PGM2L1: variants seen among roughly 807,000 people sequenced by gnomAD.
PGM2L1 encodes glucose 1,6-bisphosphate synthase.
A neutral mutation model predicts 73.4 loss-of-function variants in PGM2L1; 35 were observed. That is an observed-to-expected ratio of 0.48 (90% confidence interval 0.36 to 0.63). PGM2L1 has a LOEUF of 0.63. Ranked by LOEUF, PGM2L1 falls within the 30% of genes least tolerant of loss-of-function variation. PGM2L1 has a pLI of 0.00. For synonymous variants in PGM2L1, 225 were observed against 253.8 expected, an observed-to-expected ratio of 0.89 and a Z score of 1.08; for missense variants, 570 against 742.0, an observed-to-expected ratio of 0.77 and a Z score of 2.69.
intron 1 of PGM2L1, 28 bp from the exon 2 acceptor site, chr11:74,374,610 C>T (rs1416877912): frequency 1.9e-6 from 3 of 1,595,596 alleles, no homozygotes; most frequent in Non-Finnish European, 8.6e-7. Context: ...TAAAACTTAA[C>T]CAGGAATCCA....
chr11:74,389,404 A>AT (rs1301697769), intron 1 of PGM2L1, among the ~76,000 whole-genome samples: 2 of 152,110 alleles, frequency 1.3e-5, no homozygotes, highest in East Asian at 1.9e-4. Context: ...ATATTCTTTG[A>AT]TTTTTTTAAA....
chr11:74,347,362 T>C, intron 6 of PGM2L1, 25 bp from the exon 7 acceptor site: 1 of 1,525,638 alleles, frequency 6.6e-7, no homozygotes, highest in Non-Finnish European at 8.9e-7. Context: ...CAACATAAGA[T>C]CATGATTACA....
At chr11:74,374,115 C>T (rs989250191) in intron 2 of PGM2L1, among the ~76,000 whole-genome samples, 5 of 150,212 alleles carry the variant, frequency 3.3e-5, no homozygotes, top group Non-Finnish European at 4.4e-5. Context: ...GACAGAGTCT[C>T]GCTCTGTTGC....
chr11:74,336,638 A>C lies in PGM2L1; in HGVS notation c.*14T>G, dbSNP rs1044782. Reference sequence around the variant, plus strand: ...CCATATGCCCACACAGTGTCATGACATATTGGTGTACCCCTAAACAGAACG... The same window carrying C: ...CCATATGCCCACACAGTGTCATGACCTATTGGTGTACCCCTAAACAGAACG... On this transcript the variant is annotated 3_prime_UTR_variant, in exon 14 of 14. Coordinates refer to ENST00000298198, the MANE Select transcript of PGM2L1 (RefSeq NM_173582.6). The C allele has an allele frequency of 6.4e-7, 1 of 1,556,708 alleles. No homozygotes were observed. The highest frequency in any genetic ancestry group is 8.8e-7 in the Non-Finnish European group (1 of 1,136,262).
rs1489676287 is a variant in PGM2L1 at position 74,330,662 on chromosome 11, G to T, written c.*5990C>A. On this transcript the variant is annotated 3_prime_UTR_variant, in exon 14 of 14. Transcript: ENST00000298198. ...CTTGAGTGGCTCTTGTAAGATACAT[G>T]ATGAATCATAACAGTGGACAAAAAC... 6.6e-6 allele frequency: 1 copy of T among 152,566 alleles called. No homozygotes were observed. Among genetic ancestry groups the T allele is most frequent in the Admixed American group, 6.6e-5 (1 of 15,266 alleles). The allele number at this position is 152,566 out of a possible 1,614,324, so 9.5% of individuals were successfully genotyped here. A position where few individuals can be genotyped will look rare whatever the true frequency, so the allele number is the denominator to read the frequency against.
chr11:74,393,336 C>G (rs1316405145), intron 1 of PGM2L1, among the ~76,000 whole-genome samples: 1 of 152,192 alleles, frequency 6.6e-6, no homozygotes. Context: ...AGCTCCCCAA[C>G]TGGATAATGT....
At chr11:74,339,411 C>T (rs1363356100) in intron 12 of PGM2L1, among the ~76,000 whole-genome samples, 3 of 152,132 alleles carry the variant, frequency 2.0e-5, no homozygotes, top group Non-Finnish European at 2.9e-5. Context: ...GAGGGTTGTA[C>T]TAGGCCAGAG....
Position 74,342,944 on chromosome 11 carries a change from T to G in PGM2L1, c.1383A>C (p.Ala461=). The G allele has an allele frequency of 2.5e-6, 4 of 1,611,450 alleles. No homozygotes were observed. Among genetic ancestry groups the G allele is most frequent in the Non-Finnish European group, 3.4e-6 (4 of 1,178,590 alleles). Residue 461 remains alanine (A), a synonymous_variant, in exon 11 of 14, where the codon GCA becomes GCC. Transcript: ENST00000298198. ...VSAAVVVAEM[A]SYLETMNITL... is the part of the protein sequence containing the mutation. ...TTATATTCATGGTTTCCAGGTAAGA[T>G]GCCATCTCAGCAACCACAACAGCTG... is the stretch of plus-strand genomic sequence containing the variant.
At chr11:74,372,911 T>C (rs951382901) in intron 2 of PGM2L1, among the ~76,000 whole-genome samples, 1 of 152,204 alleles carries the variant, frequency 6.6e-6, no homozygotes, top group African/African-American at 2.4e-5. Flanking sequence ...TTATTTCTCA[T>C]GGTGATACTA....
rs11236077 is a variant in PGM2L1, at chr11:74,368,430, A to G, written c.555+62T>C. ...CCAGTATAGAAAACATACTCAACAC[A>G]TATTATTTGAATAAAAAAGATGAAC... is the stretch of plus-strand genomic sequence containing the variant. On this transcript the variant is annotated intron_variant, in intron 5 of 13. Coordinates refer to ENST00000298198, the MANE Select transcript of PGM2L1 (RefSeq NM_173582.6). 0.16 allele frequency: 224,604 copies of G among 1,400,692 alleles called. 19,775 individuals carry two copies. The highest frequency in any genetic ancestry group is 0.28 in the East Asian group (12,191 of 43,568). 86.8% of individuals were successfully genotyped at this position (1,400,692 alleles called of 1,614,324 possible). A position where few individuals can be genotyped will look rare whatever the true frequency, so the allele number is the denominator to read the frequency against.
At chr11:74,337,839 T>C (rs1232916154) in intron 13 of PGM2L1, among the ~76,000 whole-genome samples, 1 of 152,212 alleles carries the variant, frequency 6.6e-6, no homozygotes, top group African/African-American at 2.4e-5. Flanking sequence ...AAAAATGGTC[T>C]GGCAGTTCCT....
chr11:74,359,090 TATC>T (rs1349443251), intron 5 of PGM2L1, among the ~76,000 whole-genome samples: 4 of 152,200 alleles, frequency 2.6e-5, no homozygotes, highest in Non-Finnish European at 4.4e-5. Flanking sequence ...CATATATTCA[TATC>T]ATTCATATGT....
At chr11:74,371,652 AT>A (rs1862755541) in intron 3 of PGM2L1, 58 bp downstream of exon 3, 2 of 1,452,074 alleles carry the variant, frequency 1.4e-6, no homozygotes, top group South Asian at 1.2e-5. Context: ...AGACAAAAAA[AT>A]GTTTTAAATA....
chr11:74,355,103 A>C, intron 5 of PGM2L1: 1 of 1,274,018 alleles, frequency 7.8e-7, no homozygotes, highest in Non-Finnish European at 1.1e-6. Context: ...TTGGTTGTGG[A>C]GGAAACTTCA....
chr11:74,367,323 C>T (rs1251425537), intron 5 of PGM2L1, among the ~76,000 whole-genome samples: 1 of 152,108 alleles, frequency 6.6e-6, no homozygotes, highest in African/African-American at 2.4e-5. Context: ...GGGTTCTTGG[C>T]TTTCTTTGAC....
At chr11:74,376,065 T>C (rs1321461880) in intron 1 of PGM2L1, among the ~76,000 whole-genome samples, 1 of 152,216 alleles carries the variant, frequency 6.6e-6, no homozygotes, top group Admixed American at 6.5e-5. Context: ...ATAGTCTTTT[T>C]ACAGTGCTTT....
At position 74,336,562 on chromosome 11, in the gene PGM2L1, G is replaced by A. The variant is rs1375090466; in HGVS notation, c.*90C>T. 1 of 746,414 alleles carries A rather than the reference G, an allele frequency of 1.3e-6. No homozygotes were observed. Among genetic ancestry groups the A allele is most frequent in the Non-Finnish European group, 2.1e-6 (1 of 482,146 alleles). 46.2% of individuals were successfully genotyped at this position (746,414 alleles called of 1,614,324 possible). A position where few individuals can be genotyped will look rare whatever the true frequency, so the allele number is the denominator to read the frequency against. On this transcript the variant is annotated 3_prime_UTR_variant, in exon 14 of 14. Transcript: ENST00000298198. ...AAGATACTCGGCCAGATGAGATAGA[G>A]AGAGAATGCTAACACAAGGTTCAAT...
chr11:74,339,556 A>G (rs985129149), intron 12 of PGM2L1, among the ~76,000 whole-genome samples: 2 of 152,196 alleles, frequency 1.3e-5, no homozygotes, highest in Non-Finnish European at 2.9e-5. Flanking sequence ...CCCACAGCCC[A>G]TAAAGTAGCA....
chr11:74,338,851 AAC>A (rs1437125612), intron 12 of PGM2L1, among the ~76,000 whole-genome samples: 1 of 152,214 alleles, frequency 6.6e-6, no homozygotes, highest in East Asian at 1.9e-4. Flanking sequence ...AAATATACTT[AAC>A]ACTACCGAAC....
Sources: gnomAD v4.1 joint callset for allele counts (sites outside exome capture counted in the v4.1 genomes callset) on GRCh38, gnomAD v4.1.1 for gene constraint, MANE v1.5 for transcripts, NCBI Gene and HGNC (gene_info 2026-07-23, HGNC 2026-07-21) for gene names.